Variants in TENM4 observed in about 807,000 individuals in gnomAD.
TENM4 encodes teneurin transmembrane protein 4.
A neutral mutation model predicts 243.3 loss-of-function variants in TENM4; 82 were observed. The observed-to-expected ratio is 0.34, with a 90% CI of 0.28 to 0.40. TENM4 has a LOEUF of 0.40. Ranked by LOEUF, TENM4 falls within the 10% of genes least tolerant of loss-of-function variation. The pLI is 1.00. For missense variants in TENM4, 3,138 were observed against 3,673.3 expected (o/e 0.85, Z 3.77); for synonymous variants, 1,412 against 1,456.3 (o/e 0.97, Z 0.69).
At chr11:79,230,655 T>C (rs1056891966) in intron 2 of TENM4, among the ~76,000 whole-genome samples, 2 of 152,188 alleles carry the variant, frequency 1.3e-5, no homozygotes, top group East Asian at 3.8e-4. Context: ...CAAATCACTT[T>C]ATAAAAGTCA....
intron 2 of TENM4, among the ~76,000 whole-genome samples, chr11:79,295,649 G>A (rs1383797120): frequency 1.3e-5 from 2 of 152,128 alleles, no homozygotes; most frequent in African/African-American, 4.8e-5. Flanking sequence ...GGGAGTGGGG[G>A]CTGCAGAGGG....
chr11:78,920,544 G>A (rs1359649826), intron 6 of TENM4, among the ~76,000 whole-genome samples: 1 of 151,994 alleles, frequency 6.6e-6, no homozygotes. Flanking sequence ...TCGTCCTCTC[G>A]CTGCATTACT....
intron 18 of TENM4, among the ~76,000 whole-genome samples, chr11:78,765,769 C>T (rs1465552860): frequency 6.6e-6 from 1 of 152,182 alleles, no homozygotes; most frequent in Non-Finnish European, 1.5e-5. Flanking sequence ...GTTGTAAAGG[C>T]TGGAGATGAT....
At chr11:79,228,727 T>C (rs1251619187) in intron 2 of TENM4, among the ~76,000 whole-genome samples, 4 of 152,204 alleles carry the variant, frequency 2.6e-5, no homozygotes, top group African/African-American at 9.7e-5. Flanking sequence ...TCTCCTGTTT[T>C]TTAATAAAAA....
At chr11:79,432,139 T>TGCA (rs1240500321) in intron 1 of TENM4, among the ~76,000 whole-genome samples, 1 of 152,242 alleles carries the variant, frequency 6.6e-6, no homozygotes, top group Non-Finnish European at 1.5e-5. Flanking sequence ...CTCTAGATTA[T>TGCA]CTAGTGCATT....
chr11:79,066,304 T>C (rs183392460), intron 5 of TENM4, among the ~76,000 whole-genome samples: 1 of 152,016 alleles, frequency 6.6e-6, no homozygotes, highest in Non-Finnish European at 1.5e-5. Flanking sequence ...GCAGAAGAGG[T>C]GGATGGCCAA....
intron 3 of TENM4, among the ~76,000 whole-genome samples, chr11:79,214,853 G>T (rs2135224241): frequency 6.6e-6 from 1 of 152,342 alleles, no homozygotes; most frequent in African/African-American, 2.4e-5. Context: ...CATCAGCCTG[G>T]TCGCTAAGTC....
chr11:78,721,081 G>C (rs1385927383), intron 24 of TENM4, among the ~76,000 whole-genome samples: 2 of 152,208 alleles, frequency 1.3e-5, no homozygotes, highest in African/African-American at 4.8e-5. Flanking sequence ...GGGAGGTTCA[G>C]TGATTAGTCC....
intron 9 of TENM4, among the ~76,000 whole-genome samples, chr11:78,879,779 TGG>T (rs1164038513): frequency 2.0e-5 from 3 of 151,798 alleles, no homozygotes; most frequent in African/African-American, 7.3e-5. Flanking sequence ...CCGCCCTGTC[TGG>T]GATGTGAGGA....
Position 78,967,073 on chromosome 11 carries a change from C to T in TENM4, c.494-63550G>A, listed in dbSNP as rs556964752. On this transcript the variant is annotated intron_variant, in intron 6 of 33. Coordinates refer to ENST00000278550, the MANE Select transcript of TENM4 (RefSeq NM_001098816.3). ...ACCACCCTATATGTCTCTTAGCTTCCACTCATCCTTAGGGTTTAATTTCAT... is the reference window on the plus strand; with the variant it reads ...ACCACCCTATATGTCTCTTAGCTTCTACTCATCCTTAGGGTTTAATTTCAT... 2.0e-5 allele frequency among the ~76,000 whole-genome samples: 3 copies of T among 152,220 alleles called. No homozygotes were observed. The East Asian group carries it at 5.8e-4, about 29-fold the overall frequency.
intron 6 of TENM4, among the ~76,000 whole-genome samples, chr11:78,991,022 T>C (rs1479730786): frequency 6.6e-6 from 1 of 152,160 alleles, no homozygotes; most frequent in Admixed American, 6.5e-5. Context: ...AAATGCTGCA[T>C]AGGTGAGATC....
intron 12 of TENM4, among the ~76,000 whole-genome samples, chr11:78,847,426 C>T (rs189371390): frequency 2.0e-5 from 3 of 152,330 alleles, no homozygotes; most frequent in Non-Finnish European, 4.4e-5. Flanking sequence ...TGAGCAGAGA[C>T]AGCTACTGGC....
rs184907814 is a variant in TENM4 at position 78,855,563 on chromosome 11, C to T, written c.1470+401G>A. Reference sequence around the variant, plus strand: ...CAGCCCTGCCAAGTGGGTATTGTTACCGGCATCTTATAGATGAGGAAACTT... The same window carrying T: ...CAGCCCTGCCAAGTGGGTATTGTTATCGGCATCTTATAGATGAGGAAACTT... On this transcript the variant is annotated intron_variant, in intron 11 of 33. Transcript: ENST00000278550. 4.2e-3 allele frequency among the ~76,000 whole-genome samples: 644 copies of T among 152,290 alleles called. 3 individuals carry two copies. Among genetic ancestry groups the T allele is most frequent in the African/African-American group, 0.015 (605 of 41,556 alleles).
chr11:79,257,566 T>C (rs1395180017), intron 2 of TENM4, among the ~76,000 whole-genome samples: 3 of 152,040 alleles, frequency 2.0e-5, no homozygotes, highest in Non-Finnish European at 4.4e-5. Context: ...GGGTGGAGGG[T>C]GGAGGGGCCC....
intron 6 of TENM4, among the ~76,000 whole-genome samples, chr11:78,984,993 G>A (rs893417273): frequency 5.9e-5 from 9 of 152,102 alleles, no homozygotes; most frequent in East Asian, 3.9e-4. Context: ...TGTCAAGGGC[G>A]GAATCCTGGC....
chr11:78,754,447 C>T (rs866058204), intron 19 of TENM4, among the ~76,000 whole-genome samples: 10 of 152,294 alleles, frequency 6.6e-5, no homozygotes, highest in Middle Eastern at 3.4e-3. Flanking sequence ...GAGACGTGTC[C>T]CTGCTGGCAT....
chr11:79,315,427 G>A (rs1856787359), intron 1 of TENM4, among the ~76,000 whole-genome samples: 1 of 152,224 alleles, frequency 6.6e-6, no homozygotes, highest in Non-Finnish European at 1.5e-5. Context: ...CTCATCAACT[G>A]TTGCCACATG....
chr11:79,018,843 A>C (rs1858847378), intron 6 of TENM4, among the ~76,000 whole-genome samples: 1 of 152,202 alleles, frequency 6.6e-6, no homozygotes, highest in South Asian at 2.1e-4. Context: ...AGGGCTGGCA[A>C]AGATTATTAA....
chr11:79,297,933 C>CTT (rs560124265), intron 1 of TENM4, among the ~76,000 whole-genome samples: 4 of 146,290 alleles, frequency 2.7e-5, no homozygotes, highest in Admixed American at 2.7e-4. Context: ...TTTTTTTTTT[C>CTT]TTTTTTTTTT....
Sources: gnomAD v4.1 joint callset for allele counts (sites outside exome capture counted in the v4.1 genomes callset) on GRCh38, gnomAD v4.1.1 for gene constraint, MANE v1.5 for transcripts, NCBI Gene and HGNC (gene_info 2026-07-23, HGNC 2026-07-21) for gene names.